The following SERPINB7 variants were observed in gnomAD, a reference collection of about 807,000 sequenced individuals.
SERPINB7 encodes the protein serpin family B member 7.
In SERPINB7, 31 loss-of-function variants were observed where a neutral mutation model predicts 37.4. That is an observed-to-expected ratio of 0.83 (90% CI 0.62 to 1.12). SERPINB7 has a LOEUF of 1.12. Among genes scored for constraint, SERPINB7 ranks in the 50% most tolerant of loss-of-function variants. The pLI is 0.00. For missense variants in SERPINB7, 521 were observed against 455.3 expected, an observed-to-expected ratio of 1.14 and a Z score of -1.31; for synonymous variants, 163 against 166.1, an observed-to-expected ratio of 0.98 and a Z score of 0.14.
intron 1 of SERPINB7, among the ~76,000 whole-genome samples, chr18:63,776,173 G>T (rs1441142792): frequency 6.6e-6 from 1 of 151,792 alleles, no homozygotes; most frequent in Non-Finnish European, 1.5e-5. Context: ...TGTTTTTTTT[G>T]TTGTTGCTGT....
chr18:63,759,892 G>A (rs1379866304), intron 1 of SERPINB7, among the ~76,000 whole-genome samples: 1 of 152,196 alleles, frequency 6.6e-6, no homozygotes, highest in African/African-American at 2.4e-5. Context: ...ATGTGGAACT[G>A]TAAGTCCAAT....
chr18:63,759,824 C>T (rs2049142825), intron 1 of SERPINB7, among the ~76,000 whole-genome samples: 1 of 152,176 alleles, frequency 6.6e-6, no homozygotes, highest in Non-Finnish European at 1.5e-5. Context: ...TTTCTCTTGT[C>T]ACTACCATGT....
chr18:63,793,745 C>G (rs776688208), intron 4 of SERPINB7, among the ~76,000 whole-genome samples: 42 of 152,202 alleles, frequency 2.8e-4, no homozygotes, highest in Non-Finnish European at 4.4e-5. Flanking sequence ...AAGTGATCTT[C>G]TTTCTTCAGC....
At chr18:63,782,988 A>C (rs1010608999) in intron 2 of SERPINB7, among the ~76,000 whole-genome samples, 1 of 151,428 alleles carries the variant, frequency 6.6e-6, no homozygotes, top group African/African-American at 2.4e-5. Flanking sequence ...AATACAAAAA[A>C]TTAGCCGGGC....
chr18:63,794,867 C>A (rs1332921832), intron 4 of SERPINB7, among the ~76,000 whole-genome samples: 2 of 152,156 alleles, frequency 1.3e-5, no homozygotes, highest in African/African-American at 4.8e-5. Flanking sequence ...TGCAGATAGA[C>A]AAAGGACAAC....
At chr18:63,783,228 GAGAGAGAAAGAAAGAAAGAA>G (rs1568207863) in intron 2 of SERPINB7, among the ~76,000 whole-genome samples, 29 of 47,386 alleles carry the variant, frequency 6.1e-4, no homozygotes, top group East Asian at 1.8e-3. Context: ...GAGAGAGAGA[GAGAGAGAAAGAAAGAAAGAA>G]AGAAAGAAAG....
intron 3 of SERPINB7, among the ~76,000 whole-genome samples, chr18:63,792,878 G>T (rs576962404): frequency 6.6e-6 from 1 of 152,220 alleles, no homozygotes; most frequent in South Asian, 2.1e-4. Flanking sequence ...TATATTCATA[G>T]ACAACTTACA....
Position 63,763,973 on chromosome 18 carries a change from A to G in SERPINB7, c.-19+10853A>G, listed in dbSNP as rs528309872. 7.2e-5 allele frequency among the ~76,000 whole-genome samples: 11 copies of G among 152,354 alleles called. No individual in the cohort carries two copies. In the East Asian group the frequency reaches 2.1e-3, roughly 29 times the overall value. ...TTCGACCTGTGTTACTAAATGGGTC[A>G]CTGTAGAGAATTGCATTACAATACA... On this transcript the variant is annotated intron_variant, in intron 1 of 7. Coordinates refer to the SERPINB7 transcript ENST00000336429.
chr18:63,783,877 T>C (rs1464456107), intron 2 of SERPINB7, among the ~76,000 whole-genome samples: 3 of 152,200 alleles, frequency 2.0e-5, no homozygotes, highest in Non-Finnish European at 4.4e-5. Context: ...TGGAAAACCA[T>C]TTATGGGATA....
At chr18:63,802,662 TG>T (rs1280185625) in intron 7 of SERPINB7, among the ~76,000 whole-genome samples, 1 of 152,210 alleles carries the variant, frequency 6.6e-6, no homozygotes, top group Non-Finnish European at 1.5e-5. Flanking sequence ...TAAAAGTATT[TG>T]TTTTGTTTTG....
At chr18:63,794,322 C>T (rs1394434631) in intron 4 of SERPINB7, among the ~76,000 whole-genome samples, 1 of 151,970 alleles carries the variant, frequency 6.6e-6, no homozygotes, top group East Asian at 1.9e-4. Flanking sequence ...TCCCTCCCCA[C>T]TGCTATCTTT....
intron 1 of SERPINB7, among the ~76,000 whole-genome samples, chr18:63,768,755 T>C (rs562566072): frequency 2.6e-5 from 4 of 152,226 alleles, no homozygotes; most frequent in South Asian, 4.1e-4. Flanking sequence ...CATCAATTCA[T>C]AGAATGTTTC....
chr18:63,754,188 A>C (rs1036528308), intron 1 of SERPINB7, among the ~76,000 whole-genome samples: 12 of 152,228 alleles, frequency 7.9e-5, no homozygotes, highest in African/African-American at 2.7e-4. Context: ...AGTTTAAATA[A>C]ATCTATTCTG....
At chr18:63,763,446 TA>T (rs1365261794) in intron 1 of SERPINB7, among the ~76,000 whole-genome samples, 1 of 152,200 alleles carries the variant, frequency 6.6e-6, no homozygotes, top group African/African-American at 2.4e-5. Flanking sequence ...TTGTAATATT[TA>T]AAAAATTGGT....
chr18:63,768,684 G>A, intron 1 of SERPINB7, among the ~76,000 whole-genome samples: 1 of 152,018 alleles, frequency 6.6e-6, no homozygotes, highest in East Asian at 1.9e-4. Flanking sequence ...AATTTAAAAT[G>A]TAATTCAATG....
chr18:63,802,128 T>C (rs1325465931), intron 7 of SERPINB7, among the ~76,000 whole-genome samples: 1 of 152,218 alleles, frequency 6.6e-6, no homozygotes, highest in Admixed American at 6.5e-5. Context: ...TCAGATTTCC[T>C]ACTGTTATAA....
At chr18:63,756,415 G>A (rs1419086942) in intron 1 of SERPINB7, among the ~76,000 whole-genome samples, 2 of 152,164 alleles carry the variant, frequency 1.3e-5, no homozygotes, top group Non-Finnish European at 2.9e-5. Context: ...CATGGAACAC[G>A]GAATACCAGT....
chr18:63,786,343 T>C (rs2049373164), intron 2 of SERPINB7, among the ~76,000 whole-genome samples: 1 of 150,538 alleles, frequency 6.6e-6, no homozygotes, highest in South Asian at 2.1e-4. Context: ...ATGTTTGGAC[T>C]TCCTTCTCTC....
At chr18:63,763,984 T>C (rs1267285263) in intron 1 of SERPINB7, among the ~76,000 whole-genome samples, 2 of 152,316 alleles carry the variant, frequency 1.3e-5, no homozygotes, top group African/African-American at 4.8e-5. Context: ...CTGTAGAGAA[T>C]TGCATTACAA....
Sources: allele counts gnomAD v4.1 joint callset (sites outside exome capture counted in the v4.1 genomes callset), GRCh38; gene constraint gnomAD v4.1.1; transcripts MANE v1.5; gene names NCBI Gene and HGNC (gene_info 2026-07-23, HGNC 2026-07-21).